Variants in ADAMTSL3 observed in about 807,000 individuals in gnomAD.
ADAMTSL3 encodes the protein ADAMTS-like protein 3.
ADAMTSL3 carries 128 observed loss-of-function variants against 201.7 expected under a neutral mutation model. That is an observed-to-expected ratio of 0.63 (90% CI 0.55 to 0.73). The LOEUF (loss-of-function observed/expected upper bound fraction) is 0.73, where lower values mean the gene tolerates loss of function less well. ADAMTSL3 is among the 30% of genes least tolerant of loss of function. The probability of loss-of-function intolerance (pLI) is 0.00; values close to 1 mark genes in which losing one functional copy is unlikely to be tolerated. For missense variants in ADAMTSL3, 1,990 were observed against 2,119.6 expected, an observed-to-expected ratio of 0.94 and a Z score of 1.20; for synonymous variants, 738 against 748.4, an observed-to-expected ratio of 0.99 and a Z score of 0.23.
In ADAMTSL3 at chr15:83,778,975, TCA is replaced by T. The variant is rs372329101; in HGVS notation, c.317+5330_317+5331del. 2.6e-3 allele frequency among the ~76,000 whole-genome samples: 401 copies of T among 152,244 alleles called. 1 individual carries two copies. Among genetic ancestry groups the T allele is most frequent in the African/African-American group, 9.0e-3 (375 of 41,524 alleles). ...AAAAGCAGAGGTTGCAATCCTGGTT[TCA>T]CACAAAACAGACTTTAAACCAGAAA... is the stretch of plus-strand genomic sequence containing the variant. On this transcript the variant is annotated intron_variant, in intron 4 of 29. Coordinates refer to ENST00000286744, the MANE Select transcript of ADAMTSL3 (RefSeq NM_207517.3).
chr15:83,857,219 C>A (rs2064754462), intron 7 of ADAMTSL3, among the ~76,000 whole-genome samples: 1 of 152,070 alleles, frequency 6.6e-6, no homozygotes, highest in African/African-American at 2.4e-5. Flanking sequence ...TAGATAATAA[C>A]CCCTTTCCAA....
rs144070325 is a variant in ADAMTSL3, at chr15:83,724,441, A to G, written c.189+19933A>G. Among the ~76,000 whole-genome samples the G allele has an allele frequency of 8.7e-3, 1,329 of 152,046 alleles. 18 individuals are homozygous for G. The highest frequency in any genetic ancestry group is 0.03 in the African/African-American group (1,252 of 41,472). ...ATTTGTGGGTACCTAGTAAGTGTAT[A>G]TATTTATGGGGTATGTGAGATATTT... On this transcript the variant is annotated intron_variant, in intron 3 of 29. Transcript: ENST00000286744.
At chr15:83,655,428 T>C (rs2061067232) in intron 1 of ADAMTSL3, among the ~76,000 whole-genome samples, 1 of 152,140 alleles carries the variant, frequency 6.6e-6, no homozygotes, top group Admixed American at 6.5e-5. Context: ...CAAATGCCAA[T>C]AGCGACACCC....
At position 83,942,615 on chromosome 15, in the gene ADAMTSL3, G is replaced by T; in HGVS notation, c.2137G>T (p.Gly713Trp). 4 of 1,613,072 alleles carry T rather than the reference G, an allele frequency of 2.5e-6. No homozygotes were observed. The highest frequency in any genetic ancestry group is 3.4e-6 in the Non-Finnish European group (4 of 1,179,678). The change falls in exon 18 of 30, where the codon GGG becomes TGG. Residue 713 changes from glycine to tryptophan, a missense_variant. Transcript: ENST00000286744. ...CPPRWHVGSW[G>W]PCSATCGVGI... The stretch of plus-strand genomic sequence containing the variant: ...TTTTAGGTGGCATGTGGGCTCTTGG[G>T]GGCCCTGCTCAGCTACCTGTGGAGT...
intron 3 of ADAMTSL3, among the ~76,000 whole-genome samples, chr15:83,724,657 A>G (rs1389782802): frequency 6.6e-6 from 1 of 151,984 alleles, no homozygotes; most frequent in African/African-American, 2.4e-5. Context: ...TTATCTAACT[A>G]TATTTTTGTA....
intron 23 of ADAMTSL3, among the ~76,000 whole-genome samples, chr15:83,992,421 A>C (rs1164171946): frequency 6.6e-6 from 1 of 152,188 alleles, no homozygotes; most frequent in Non-Finnish European, 1.5e-5. Flanking sequence ...TCCACCCACA[A>C]ATATGTGAGT....
rs117874438 is a variant in ADAMTSL3 at position 83,731,529 on chromosome 15, A to G, written c.189+27021A>G. Among the ~76,000 whole-genome samples the G allele has an allele frequency of 9.2e-5, 14 of 152,170 alleles. No individual in the cohort carries two copies. In the East Asian group the frequency reaches 1.5e-3, roughly 17 times the overall value. ...TCAAAAGTTTAAAAATAGAATTACC[A>G]TATAATCTAGCACTCATGATTCTAG... On this transcript the variant is annotated intron_variant, in intron 3 of 29. Transcript: ENST00000286744.
intron 21 of ADAMTSL3, among the ~76,000 whole-genome samples, chr15:83,988,397 A>G (rs2067520539): frequency 6.6e-6 from 1 of 152,212 alleles, no homozygotes; most frequent in Admixed American, 6.5e-5. Context: ...GTGGCAGATT[A>G]AGCATTGAGT....
intron 5 of ADAMTSL3, among the ~76,000 whole-genome samples, chr15:83,809,351 C>A (rs2063655792): frequency 6.6e-6 from 1 of 152,110 alleles, no homozygotes; most frequent in South Asian, 2.1e-4. Flanking sequence ...AACAAATGTT[C>A]TGAGAAATAG....
chr15:83,796,924 T>C (rs942239865), intron 4 of ADAMTSL3, among the ~76,000 whole-genome samples: 1 of 152,094 alleles, frequency 6.6e-6, no homozygotes, highest in African/African-American at 2.4e-5. Context: ...TCTCTACTTG[T>C]AAAAAACAAT....
chr15:83,797,660 A>C lies in ADAMTSL3; in HGVS notation c.318-6990A>C, dbSNP rs115915460. Among the ~76,000 whole-genome samples, 378 of 152,290 alleles carry C rather than the reference A, an allele frequency of 2.5e-3. 1 individual carries two copies. The highest frequency in any genetic ancestry group is 8.7e-3 in the African/African-American group (360 of 41,552). On this transcript the variant is annotated intron_variant, in intron 4 of 29. Transcript: ENST00000286744. ...TTTCACATTCTTCATATTGGGAAAA[A>C]AAAGTTTTAAAATGTCAAATATTGA... is the stretch of plus-strand genomic sequence containing the variant.
intron 20 of ADAMTSL3, among the ~76,000 whole-genome samples, chr15:83,980,507 G>A (rs925553750): frequency 2.0e-5 from 3 of 152,100 alleles, no homozygotes; most frequent in Non-Finnish European, 4.4e-5. Flanking sequence ...CAAATTAGGG[G>A]AAATTTACAT....
chr15:83,681,203 T>A (rs1184117485), intron 2 of ADAMTSL3, among the ~76,000 whole-genome samples: 3 of 152,262 alleles, frequency 2.0e-5, no homozygotes, highest in African/African-American at 4.8e-5. Context: ...GGATTTTTTC[T>A]TGTTCATTTA....
At chr15:83,944,590 G>A (rs1027813107) in intron 19 of ADAMTSL3, among the ~76,000 whole-genome samples, 2 of 152,146 alleles carry the variant, frequency 1.3e-5, no homozygotes, top group Non-Finnish European at 2.9e-5. Context: ...TTTTATAGAT[G>A]AGAAAAACAG....
chr15:83,920,724 G>A (rs557578231), intron 16 of ADAMTSL3, among the ~76,000 whole-genome samples: 12 of 152,164 alleles, frequency 7.9e-5, no homozygotes, highest in Admixed American at 1.3e-4. Flanking sequence ...TTTTTTCCTC[G>A]TATAGGTTTA....
chr15:83,766,239 T>A (rs919930969), intron 3 of ADAMTSL3, among the ~76,000 whole-genome samples: 12 of 152,300 alleles, frequency 7.9e-5, no homozygotes, highest in African/African-American at 2.9e-4. Context: ...CCCTTGTCCC[T>A]CTCACCTGAT....
intron 15 of ADAMTSL3, among the ~76,000 whole-genome samples, chr15:83,902,969 T>C (rs2065755450): frequency 6.6e-6 from 1 of 152,232 alleles, no homozygotes; most frequent in Non-Finnish European, 1.5e-5. Flanking sequence ...AGGGCCACCC[T>C]TGTTTCATCG....
rs759248052 is a variant in ADAMTSL3, at chr15:83,913,282, T to A, written c.1891T>A (p.Ser631Thr). The A allele has an allele frequency of 1.2e-6, 2 of 1,614,016 alleles. No homozygotes were observed. The highest frequency in any genetic ancestry group is 2.2e-5 in the South Asian group (2 of 91,060). Residue 631 changes from serine to threonine, a missense_variant, in exon 16 of 30, where the codon TCC (serine) becomes ACC (threonine). Ser to Thr is a moderately conservative substitution (Grantham distance 58). Coordinates refer to ENST00000286744, the MANE Select transcript of ADAMTSL3 (RefSeq NM_207517.3). Reference protein sequence around the residue: ...LLEACDESPASRELDIPLPED... With the variant: ...LLEACDESPATRELDIPLPED... ...GGAAGCATGTGATGAGAGCCCGGCC[T>A]CCCGAGAGCTAGACATCCCTCTCCC...
chr15:83,969,473 C>T (rs1188793697), intron 19 of ADAMTSL3, among the ~76,000 whole-genome samples: 4 of 152,134 alleles, frequency 2.6e-5, no homozygotes, highest in African/African-American at 9.7e-5. Flanking sequence ...AAACAATGGA[C>T]ATGCCCATAG....
Sources: gnomAD v4.1 joint callset for allele counts (sites outside exome capture counted in the v4.1 genomes callset) on GRCh38, gnomAD v4.1.1 for gene constraint, MANE v1.5 for transcripts, NCBI Gene and HGNC (gene_info 2026-07-23, HGNC 2026-07-21) for gene names.